NR3C1: variants seen among roughly 807,000 people sequenced by gnomAD.
NR3C1 encodes glucocorticoid receptor.
NR3C1 carries 14 observed loss-of-function variants against 74.0 expected under a neutral mutation model. The ratio of observed to expected loss-of-function variants is 0.19; its 90% CI spans 0.12 to 0.30. NR3C1 has a LOEUF of 0.30. Ranked by LOEUF, NR3C1 falls within the 10% of genes least tolerant of loss-of-function variation. NR3C1 has a pLI of 1.00. For synonymous variants in NR3C1, 308 were observed against 332.5 expected (o/e 0.93, Z 0.80); for missense variants, 695 against 909.8 (o/e 0.76, Z 3.04).
At chr5:143,377,188 T>G (rs1359934391) in intron 2 of NR3C1, among the ~76,000 whole-genome samples, 1 of 152,202 alleles carries the variant, frequency 6.6e-6, no homozygotes, top group South Asian at 2.1e-4. Flanking sequence ...CATTCACTTC[T>G]TTTTAACAAT....
chr5:143,295,668 G>A, intron 6 of NR3C1, 78 bp from the exon 7 acceptor site: 1 of 1,159,608 alleles, frequency 8.6e-7, no homozygotes, highest in Admixed American at 1.7e-5. Context: ...GTTTTGTTTT[G>A]CAAAACTATG....
rs1197946104 is a variant in NR3C1, at chr5:143,385,971, TG to T, written c.1184+13684del. ...AGTGCTATAAAGAACTAACTGAGAC[TG>T]GGTAACTTACAAAGAAAAGAGGTTC... On this transcript the variant is annotated intron_variant, in intron 2 of 8. Transcript: ENST00000394464. 9.2e-5 allele frequency among the ~76,000 whole-genome samples: 14 copies of T among 152,324 alleles called. No homozygotes were observed. The East Asian group carries it at 2.5e-3, about 27-fold the overall frequency.
intron 1 of NR3C1, among the ~76,000 whole-genome samples, chr5:143,424,670 T>C (rs2151961268): frequency 6.6e-6 from 1 of 152,262 alleles, no homozygotes; most frequent in South Asian, 2.1e-4. Flanking sequence ...AATAAAGATA[T>C]GTATGTGTAC....
chr5:143,377,907 G>T (rs997771633), intron 2 of NR3C1, among the ~76,000 whole-genome samples: 8 of 152,156 alleles, frequency 5.3e-5, no homozygotes, highest in Non-Finnish European at 1.0e-4. Context: ...ATATGTCTGA[G>T]GGAGCTGAAG....
At chr5:143,417,847 C>A (rs1299798263) in intron 1 of NR3C1, among the ~76,000 whole-genome samples, 1 of 152,170 alleles carries the variant, frequency 6.6e-6, no homozygotes, top group Non-Finnish European at 1.5e-5. Context: ...CAGGCCTCTC[C>A]CAGCTTTGAG....
intron 2 of NR3C1, among the ~76,000 whole-genome samples, chr5:143,350,027 T>C (rs1275092902): frequency 6.6e-6 from 1 of 152,072 alleles, no homozygotes; most frequent in Non-Finnish European, 1.5e-5. Flanking sequence ...AACAGCATTA[T>C]GCAAAGACAC....
chr5:143,284,777 A>G (rs2963146), intron 7 of NR3C1, among the ~76,000 whole-genome samples: 2,870 of 152,240 alleles, frequency 0.019, 94 homozygotes, highest in African/African-American at 0.066. Flanking sequence ...CCCTAGGAAA[A>G]GAGAAACAAA....
chr5:143,290,984 T>C (rs1294221895), intron 7 of NR3C1, among the ~76,000 whole-genome samples: 1 of 152,040 alleles, frequency 6.6e-6, no homozygotes, highest in Non-Finnish European at 1.5e-5. Context: ...CCTCCTCTCA[T>C]GTCTTTCATT....
chr5:143,316,862 A>C (rs777979805), intron 2 of NR3C1, among the ~76,000 whole-genome samples: 1 of 152,180 alleles, frequency 6.6e-6, no homozygotes, highest in Non-Finnish European at 1.5e-5. Flanking sequence ...AAATCCTAGG[A>C]CCGTATTCCC....
intron 2 of NR3C1, among the ~76,000 whole-genome samples, chr5:143,337,012 T>TAC (rs1344139326): frequency 6.6e-6 from 1 of 151,940 alleles, no homozygotes; most frequent in Non-Finnish European, 1.5e-5. Flanking sequence ...TATATATATA[T>TAC]ACACACACGC....
chr5:143,419,139 T>G (rs1305389112), intron 1 of NR3C1, among the ~76,000 whole-genome samples: 3 of 152,198 alleles, frequency 2.0e-5, no homozygotes, highest in Non-Finnish European at 4.4e-5. Flanking sequence ...CTGTATGTAT[T>G]CTGCAAATAT....
chr5:143,320,412 G>A (rs1373403896), intron 2 of NR3C1, among the ~76,000 whole-genome samples: 1 of 152,142 alleles, frequency 6.6e-6, no homozygotes, highest in Non-Finnish European at 1.5e-5. Context: ...TCCTCTTGGG[G>A]AGAGGGTTAC....
intron 1 of NR3C1, chr5:143,402,769 T>A: frequency 1.0e-6 from 1 of 985,232 alleles, no homozygotes; most frequent in Non-Finnish European, 1.2e-6. Context: ...GGGCTCGCGC[T>A]CGGGCGCGCC....
At position 143,279,494 on chromosome 5, in the gene NR3C1, CT is replaced by C; in HGVS notation, c.*2394del. ...TTGATAAGAATATTCAAGCAGTTTT[CT>C]TAGGCACCAAAAATTTATCCAGCCG... On this transcript the variant is annotated 3_prime_UTR_variant, in exon 9 of 9. Coordinates refer to ENST00000394464, the MANE Select transcript of NR3C1 (RefSeq NM_000176.3). 1 of 1,379,682 alleles carries C rather than the reference CT, an allele frequency of 7.2e-7. No individual in the cohort carries two copies. Among genetic ancestry groups the C allele is most frequent in the Non-Finnish European group, 9.4e-7 (1 of 1,058,324 alleles). 85.5% of individuals were successfully genotyped at this position (1,379,682 alleles called of 1,614,324 possible). A position where few individuals can be genotyped will look rare whatever the true frequency, so the allele number is the denominator to read the frequency against.
At chr5:143,371,622 C>G (rs975465426) in intron 2 of NR3C1, among the ~76,000 whole-genome samples, 2 of 152,236 alleles carry the variant, frequency 1.3e-5, no homozygotes, top group Non-Finnish European at 2.9e-5. Flanking sequence ...GGTCCCACCC[C>G]ATCCCTGTCT....
intron 1 of NR3C1, among the ~76,000 whole-genome samples, chr5:143,419,701 A>G (rs983087954): frequency 2.6e-5 from 4 of 152,146 alleles, no homozygotes; most frequent in Non-Finnish European, 5.9e-5. Flanking sequence ...CACAAGGCAA[A>G]TGGAGGCAGG....
intron 2 of NR3C1, among the ~76,000 whole-genome samples, chr5:143,394,036 T>TTA (rs1838763841): frequency 6.6e-6 from 1 of 152,012 alleles, no homozygotes; most frequent in African/African-American, 2.4e-5. Flanking sequence ...TTTTTTCCCC[T>TTA]TATATATATT....
intron 2 of NR3C1, among the ~76,000 whole-genome samples, chr5:143,319,639 G>A (rs1822924102): frequency 6.6e-6 from 1 of 152,156 alleles, no homozygotes; most frequent in Non-Finnish European, 1.5e-5. Flanking sequence ...CACGGTTGGG[G>A]AAATGCTATT....
At chr5:143,375,230 T>C (rs1352325560) in intron 2 of NR3C1, among the ~76,000 whole-genome samples, 1 of 152,138 alleles carries the variant, frequency 6.6e-6, no homozygotes, top group East Asian at 1.9e-4. Flanking sequence ...AAGAAAAATG[T>C]AAAAAAACCA....
Sources: allele counts gnomAD v4.1 joint callset (sites outside exome capture counted in the v4.1 genomes callset), GRCh38; gene constraint gnomAD v4.1.1; transcripts MANE v1.5; gene names NCBI Gene and HGNC (gene_info 2026-07-23, HGNC 2026-07-21).